Variants in DDAH1 observed in about 807,000 individuals in gnomAD.
The protein encoded by DDAH1 is dimethylarginine dimethylaminohydrolase 1, also known as N(G),N(G)-dimethylarginine dimethylaminohydrolase 1.
DDAH1 carries 19 observed loss-of-function variants against 28.8 expected under a neutral mutation model. The observed-to-expected ratio is 0.66, with a 90% CI of 0.46 to 0.97. The LOEUF (loss-of-function observed/expected upper bound fraction) is 0.97, where lower values mean the gene tolerates loss of function less well. Ranked by LOEUF, DDAH1 falls within the 50% of genes least tolerant of loss-of-function variation. DDAH1 has a pLI of 0.00. For missense variants in DDAH1, 326 were observed against 375.9 expected (o/e 0.87, Z 1.10); for synonymous variants, 153 against 154.4 (o/e 0.99, Z 0.07).
intron 1 of DDAH1, among the ~76,000 whole-genome samples, chr1:85,443,371 G>A: frequency 6.6e-6 from 1 of 152,158 alleles, no homozygotes; most frequent in East Asian, 1.9e-4. Flanking sequence ...GCTCTGTTCT[G>A]TTCCATTGGT....
intron 1 of DDAH1, among the ~76,000 whole-genome samples, chr1:85,400,602 T>C (rs1652052126): frequency 1.3e-5 from 2 of 152,212 alleles, no homozygotes; most frequent in Admixed American, 1.3e-4. Context: ...ATGTGGTAGA[T>C]GATGCTATTT....
chr1:85,349,666 AG>A (rs1649079354), intron 4 of DDAH1, among the ~76,000 whole-genome samples: 1 of 152,206 alleles, frequency 6.6e-6, no homozygotes, highest in Non-Finnish European at 1.5e-5. Flanking sequence ...ACATTTATGA[AG>A]GGCCCACTGT....
At chr1:85,509,031 A>G (rs1657130244) in intron 1 of DDAH1, among the ~76,000 whole-genome samples, 1 of 152,136 alleles carries the variant, frequency 6.6e-6, no homozygotes, top group Non-Finnish European at 1.5e-5. Context: ...TGGGTCCCTG[A>G]CCCCCGTGTA....
intron 1 of DDAH1, among the ~76,000 whole-genome samples, chr1:85,377,018 A>G (rs569562156): frequency 1.3e-5 from 2 of 152,264 alleles, no homozygotes; most frequent in African/African-American, 4.8e-5. Flanking sequence ...TGTGTGGTAA[A>G]TTTCTGGACT....
chr1:85,458,173 T>C, intron 1 of DDAH1, among the ~76,000 whole-genome samples: 1 of 152,214 alleles, frequency 6.6e-6, no homozygotes, highest in East Asian at 1.9e-4. Context: ...TTGTCCACAC[T>C]GATTTGTTGG....
chr1:85,350,871 T>G (rs954378878), intron 3 of DDAH1, among the ~76,000 whole-genome samples: 1 of 151,960 alleles, frequency 6.6e-6, no homozygotes, highest in African/African-American at 2.4e-5. Context: ...ATCTTGAGAG[T>G]TATATCCCTT....
Position 85,490,392 on chromosome 1 carries a change from C to T in DDAH1, c.-7+5774G>A, listed in dbSNP as rs536496089. On this transcript the variant is annotated intron_variant, in intron 2 of 6. Coordinates refer to the DDAH1 transcript ENST00000426972. Reference sequence around the variant, plus strand: ...ACTCTTCACCCAGTCACAAGCTCTCCGTATCTCTAACACAGTATGATAGTT... The same window carrying T: ...ACTCTTCACCCAGTCACAAGCTCTCTGTATCTCTAACACAGTATGATAGTT... Among the ~76,000 whole-genome samples, 19 of 152,224 alleles carry T rather than the reference C, an allele frequency of 1.2e-4. No homozygotes were observed. In the South Asian group the frequency reaches 2.9e-3, roughly 23 times the overall value.
chr1:85,456,174 G>A (rs1654873048), intron 1 of DDAH1, among the ~76,000 whole-genome samples: 2 of 152,004 alleles, frequency 1.3e-5, no homozygotes, highest in African/African-American at 4.8e-5. Context: ...CCCCAGGACA[G>A]TGGGTATCCC....
At chr1:85,401,474 G>A (rs576321717) in intron 1 of DDAH1, among the ~76,000 whole-genome samples, 12 of 150,526 alleles carry the variant, frequency 8.0e-5, no homozygotes, top group South Asian at 4.2e-4. Flanking sequence ...TTTAAGAGAC[G>A]CAGCTTTTCT....
At chr1:85,352,813 A>G (rs1649289983) in intron 2 of DDAH1, among the ~76,000 whole-genome samples, 2 of 152,052 alleles carry the variant, frequency 1.3e-5, no homozygotes, top group Non-Finnish European at 2.9e-5. Context: ...GTTATATGTC[A>G]CTTCGCTTAA....
chr1:85,404,300 A>C lies in DDAH1; in HGVS notation c.304-45453T>G, dbSNP rs1195079672. ...TTCATATTGACCCATTATACATGAA[A>C]CTTCTGCCTGTAGGATTGCAGTTGA... On this transcript the variant is annotated intron_variant, in intron 1 of 5. Transcript: ENST00000284031. 3 of 1,411,088 alleles carry C rather than the reference A, an allele frequency of 2.1e-6. No individual in the cohort carries two copies. The African/African-American group carries it at 4.3e-5, about 20-fold the overall frequency. The allele number at this position is 1,411,088 out of a possible 1,614,324, so 87.4% of individuals were successfully genotyped here. A position where few individuals can be genotyped will look rare whatever the true frequency, so the allele number is the denominator to read the frequency against.
At chr1:85,386,272 G>T (rs1179146177) in intron 1 of DDAH1, among the ~76,000 whole-genome samples, 1 of 152,156 alleles carries the variant, frequency 6.6e-6, no homozygotes, top group Non-Finnish European at 1.5e-5. Flanking sequence ...CTCAAGGGAA[G>T]TTACTTACAG....
intron 2 of DDAH1, among the ~76,000 whole-genome samples, chr1:85,485,993 G>GA (rs1656192141): frequency 6.6e-6 from 1 of 152,202 alleles, no homozygotes; most frequent in Admixed American, 6.5e-5. Context: ...GATTTTTCTG[G>GA]AAATTTCACA....
intron 1 of DDAH1, among the ~76,000 whole-genome samples, chr1:85,555,053 C>T (rs1658921905): frequency 6.6e-6 from 1 of 152,198 alleles, no homozygotes; most frequent in African/African-American, 2.4e-5. Context: ...GAGCATTTTT[C>T]AGTAGTTTAT....
intron 1 of DDAH1, among the ~76,000 whole-genome samples, chr1:85,400,177 C>CTTTTTTTTTTTTTT (rs61677601): frequency 2.4e-4 from 13 of 54,936 alleles, no homozygotes; most frequent in African/African-American, 7.0e-4. Context: ...CTTTTCTTTT[C>CTTTTTTTTTTTTTT]TTTTTTTTTT....
chr1:85,398,049 G>A (rs1427454276), intron 1 of DDAH1, among the ~76,000 whole-genome samples: 2 of 149,496 alleles, frequency 1.3e-5, no homozygotes, highest in African/African-American at 5.0e-5. Context: ...GCAACACAAA[G>A]TGGACTTACA....
intron 1 of DDAH1, among the ~76,000 whole-genome samples, chr1:85,538,661 C>A (rs1658369518): frequency 6.6e-6 from 1 of 152,092 alleles, no homozygotes; most frequent in Non-Finnish European, 1.5e-5. Context: ...GCTACTAAAG[C>A]AACCGCAGAA....
intron 1 of DDAH1, among the ~76,000 whole-genome samples, chr1:85,388,549 T>C (rs1443634260): frequency 6.6e-6 from 1 of 152,232 alleles, no homozygotes; most frequent in East Asian, 1.9e-4. Flanking sequence ...TTGCCTCATT[T>C]TTCTGAGTAC....
chr1:85,571,513 T>C (rs749424957), intron 1 of DDAH1, among the ~76,000 whole-genome samples: 2 of 152,222 alleles, frequency 1.3e-5, no homozygotes, highest in Non-Finnish European at 2.9e-5. Flanking sequence ...CACAGTATTG[T>C]ATTATCTGTT....
Sources: allele counts gnomAD v4.1 joint callset (sites outside exome capture counted in the v4.1 genomes callset), GRCh38; gene constraint gnomAD v4.1.1; transcripts MANE v1.5; gene names NCBI Gene and HGNC (gene_info 2026-07-23, HGNC 2026-07-21).